GALC: variants seen among roughly 807,000 people sequenced by gnomAD.
The protein encoded by GALC is galactosylceramidase, also known as galactocerebrosidase.
GALC carries 77 observed loss-of-function variants against 91.8 expected under a neutral mutation model. The observed-to-expected ratio is 0.84, with a 90% CI of 0.70 to 1.01. The LOEUF (loss-of-function observed/expected upper bound fraction) is 1.01. GALC is among the 50% of genes least tolerant of loss of function. GALC has a pLI of 0.00. For synonymous variants in GALC, 357 were observed against 306.7 expected (o/e 1.16, Z -1.71); for missense variants, 882 against 855.9 (o/e 1.03, Z -0.38).
intron 5 of GALC, among the ~76,000 whole-genome samples, chr14:87,983,006 C>T (rs1886811126): frequency 6.6e-6 from 1 of 152,156 alleles, no homozygotes. Flanking sequence ...ACCAAACCTA[C>T]ATTTAGTCTC....
At chr14:87,969,231 G>T (rs74073731) in intron 7 of GALC, among the ~76,000 whole-genome samples, 1,531 of 152,172 alleles carry the variant, frequency 0.01, 25 homozygotes, top group African/African-American at 0.035. Context: ...TTTGCTACTA[G>T]CATCTAGAGA....
intron 4 of GALC, 51 bp from the exon 5 acceptor site, chr14:87,984,584 C>G: frequency 6.2e-7 from 1 of 1,604,612 alleles, no homozygotes; most frequent in Non-Finnish European, 8.5e-7. Context: ...ACGGTGCTGG[C>G]GCTATTGAAA....
chr14:87,990,584 C>T (rs1191127682), intron 1 of GALC, among the ~76,000 whole-genome samples: 4 of 152,192 alleles, frequency 2.6e-5, no homozygotes, highest in African/African-American at 7.2e-5. Flanking sequence ...TATAGGCACA[C>T]TAATATATCC....
intron 7 of GALC, among the ~76,000 whole-genome samples, chr14:87,969,987 G>A (rs1886218757): frequency 1.3e-5 from 2 of 152,150 alleles, no homozygotes; most frequent in South Asian, 4.1e-4. Context: ...ACACTACAAA[G>A]ATACCAACAG....
intron 7 of GALC, among the ~76,000 whole-genome samples, chr14:87,972,908 A>G (rs900610131): frequency 1.3e-5 from 2 of 152,140 alleles, no homozygotes; most frequent in African/African-American, 4.8e-5. Flanking sequence ...CTGAAATAAG[A>G]AAATACTTAA....
At chr14:87,964,814 G>T (rs1418031463) in intron 9 of GALC, among the ~76,000 whole-genome samples, 1 of 152,034 alleles carries the variant, frequency 6.6e-6, no homozygotes, top group Non-Finnish European at 1.5e-5. Flanking sequence ...GAAAATTTGT[G>T]CTATGTTGAC....
intron 16 of GALC, among the ~76,000 whole-genome samples, chr14:87,937,693 A>G (rs418152): frequency 0.96 from 145,055 of 151,568 alleles, 69,710 homozygotes; most frequent in Non-Finnish European, 1. Flanking sequence ...ATGTGAGGCA[A>G]GATGCCTCAC....
At chr14:87,958,629 T>C (rs991300261) in intron 10 of GALC, among the ~76,000 whole-genome samples, 2 of 152,172 alleles carry the variant, frequency 1.3e-5, no homozygotes, top group African/African-American at 4.8e-5. Context: ...TAAAACAGCA[T>C]GGTTTTGTCT....
intron 8 of GALC, among the ~76,000 whole-genome samples, chr14:87,966,168 C>T (rs76021872): frequency 0.11 from 16,234 of 152,172 alleles, 1,030 homozygotes; most frequent in Non-Finnish European, 0.15. Flanking sequence ...ATCTCTCTCA[C>T]GTGAGTTTGT....
chr14:87,980,059 T>C (rs1204805277), intron 6 of GALC, among the ~76,000 whole-genome samples: 2 of 152,152 alleles, frequency 1.3e-5, no homozygotes, highest in African/African-American at 4.8e-5. Context: ...CTATGCCTTC[T>C]CCACGCCTAC....
chr14:87,935,587 T>C (rs1884537255), intron 16 of GALC, among the ~76,000 whole-genome samples: 1 of 152,160 alleles, frequency 6.6e-6, no homozygotes, highest in Non-Finnish European at 1.5e-5. Flanking sequence ...CCATTCTACT[T>C]AGCTCAGTGC....
intron 7 of GALC, among the ~76,000 whole-genome samples, chr14:87,974,484 C>T (rs1253450683): frequency 6.6e-6 from 1 of 152,080 alleles, no homozygotes; most frequent in Admixed American, 6.6e-5. Context: ...TTCCACACAG[C>T]AAAAACTGCC....
chr14:87,954,055 T>C, intron 10 of GALC: 2 of 1,609,896 alleles, frequency 1.2e-6, no homozygotes, highest in Non-Finnish European at 1.7e-6. Flanking sequence ...GAGACAGTAC[T>C]ACAATCAACA....
chr14:87,952,085 T>C (rs1473476432), intron 10 of GALC, among the ~76,000 whole-genome samples: 1 of 150,558 alleles, frequency 6.6e-6, no homozygotes, highest in Non-Finnish European at 1.5e-5. Flanking sequence ...AAAGTAAAAA[T>C]AAAAATAAAG....
intron 10 of GALC, 72 bp from the exon 11 acceptor site, chr14:87,950,820 T>C (rs957430002): frequency 3.5e-6 from 3 of 850,032 alleles, no homozygotes; most frequent in Non-Finnish European, 5.9e-6. Flanking sequence ...AGTTCAACAG[T>C]TAATGCCCAA....
At chr14:87,961,969 G>A (rs1344816244) in intron 10 of GALC, among the ~76,000 whole-genome samples, 2 of 152,120 alleles carry the variant, frequency 1.3e-5, no homozygotes, top group Admixed American at 6.6e-5. Flanking sequence ...TATAAATTTA[G>A]TTTTGGGTGC....
chr14:87,989,870 C>A (rs1887126364), intron 1 of GALC, among the ~76,000 whole-genome samples: 1 of 152,200 alleles, frequency 6.6e-6, no homozygotes. Flanking sequence ...CAATTTTGCA[C>A]CCAAATCCCT....
intron 8 of GALC, among the ~76,000 whole-genome samples, chr14:87,966,145 G>C (rs1886044217): frequency 6.6e-6 from 1 of 152,132 alleles, no homozygotes; most frequent in Non-Finnish European, 1.5e-5. Flanking sequence ...TGTAAAATGA[G>C]GATAATAATT....
intron 10 of GALC, chr14:87,953,491 G>A (rs1885394661): frequency 8.8e-6 from 14 of 1,598,868 alleles, no homozygotes; most frequent in Non-Finnish European, 1.2e-5. Context: ...CAAAGGTCCT[G>A]AAGAAAATAC....
Sources: gnomAD v4.1 joint callset for allele counts (sites outside exome capture counted in the v4.1 genomes callset) on GRCh38, gnomAD v4.1.1 for gene constraint, MANE v1.5 for transcripts, NCBI Gene and HGNC (gene_info 2026-07-23, HGNC 2026-07-21) for gene names.